The following SHROOM4 variants were observed in gnomAD, a reference collection of about 807,000 sequenced individuals.
SHROOM4 encodes shroom family member 4.
SHROOM4 carries 17 observed loss-of-function variants against 80.3 expected under a neutral mutation model. That is an observed-to-expected ratio of 0.21 (90% CI 0.14 to 0.32). The LOEUF is 0.32. Among genes scored for constraint, SHROOM4 ranks in the 10% least tolerant of loss-of-function variants. SHROOM4 has a pLI of 1.00. For synonymous variants in SHROOM4, 400 were observed against 437.5 expected (o/e 0.91, Z 1.07); for missense variants, 993 against 1,140.3 (o/e 0.87, Z 1.86).
At chrX:50,652,902 C>A (rs1420040000) in intron 2 of SHROOM4, among the ~76,000 whole-genome samples, 14 of 111,150 alleles carry the variant, frequency 1.3e-4, no homozygotes, top group Non-Finnish European at 1.7e-4. Context: ...TTTCTGAGGC[C>A]TCTGTTCTAT....
At chrX:50,612,453 C>A (rs781801240) in intron 5 of SHROOM4, among the ~76,000 whole-genome samples, 7 of 110,747 alleles carry the variant, frequency 6.3e-5, no homozygotes, top group Non-Finnish European at 1.3e-4. Flanking sequence ...TACCAACCTT[C>A]AAGGAAAAAA....
intron 5 of SHROOM4, among the ~76,000 whole-genome samples, chrX:50,618,511 A>C (rs1326443266): frequency 9.3e-6 from 1 of 108,035 alleles, no homozygotes; most frequent in Non-Finnish European, 1.9e-5. Flanking sequence ...GGTTCAAGTG[A>C]TTCTCATGCC....
At chrX:50,601,967 C>G (rs1929433354) in intron 7 of SHROOM4, among the ~76,000 whole-genome samples, 2 of 111,923 alleles carry the variant, frequency 1.8e-5, no homozygotes, top group Non-Finnish European at 3.8e-5. Context: ...AGTAGAAATT[C>G]AGACAGTCTT....
chrX:50,752,634 C>T (rs956884050), intron 1 of SHROOM4, among the ~76,000 whole-genome samples: 1 of 111,808 alleles, frequency 8.9e-6, no homozygotes, highest in African/African-American at 3.2e-5. Flanking sequence ...CTTTAAAAGC[C>T]CTTTATGTGA....
chrX:50,591,865 G>A lies in SHROOM4; in HGVS notation c.*4830C>T, dbSNP rs930500854. The A allele has an allele frequency of 5.8e-5, 18 of 312,870 alleles. No homozygotes were observed. The highest frequency in any genetic ancestry group is 2.9e-4 in the Admixed American group (9 of 30,720). The allele number at this position is 312,870 out of a possible 1,213,427, so 25.8% of individuals were successfully genotyped here. ...CCCGAGTAGCTGGGACTACTGGTGC[G>A]TGCCACCACACCTGGCTAATTTTTT... On this transcript the variant is annotated 3_prime_UTR_variant, in exon 9 of 9. Transcript: ENST00000376020.
chrX:50,726,747 C>T (rs1934250873), intron 1 of SHROOM4, among the ~76,000 whole-genome samples: 1 of 113,059 alleles, frequency 8.8e-6, no homozygotes, highest in African/African-American at 3.2e-5. Flanking sequence ...ATGGAAATGC[C>T]TGGATGTCCA....
chrX:50,638,318 G>A lies in SHROOM4; in HGVS notation c.270-10C>T, dbSNP rs782144613. The A allele has an allele frequency of 8.3e-6, 10 of 1,210,227 alleles. No homozygotes were observed. In the East Asian group the frequency reaches 2.7e-4, roughly 32 times the overall value. On this transcript the variant is annotated splice_polypyrimidine_tract_variant and intron_variant, in intron 2 of 8. Transcript: ENST00000376020. ...GACAGGGGCGTTCCTCCTACAGCAA[G>A]AAAGGGACAGGAAGTGGGCTGAAGG...
At chrX:50,664,756 C>A (rs1232240914) in intron 2 of SHROOM4, among the ~76,000 whole-genome samples, 2 of 111,433 alleles carry the variant, frequency 1.8e-5, no homozygotes, top group Non-Finnish European at 3.8e-5. Flanking sequence ...ATTAAAGATG[C>A]CTGAATTGAA....
chrX:50,591,884 A>AT lies in SHROOM4; in HGVS notation c.*4810dup, dbSNP rs1928902494. 1 of 318,721 alleles carries AT rather than the reference A, an allele frequency of 3.1e-6. No individual in the cohort carries two copies. The highest frequency in any genetic ancestry group is 6.1e-6 in the Non-Finnish European group (1 of 164,400). The allele number at this position is 318,721 out of a possible 1,213,427, so 26.3% of individuals were successfully genotyped here. The stretch of plus-strand genomic sequence containing the variant: ...TGGTGCGTGCCACCACACCTGGCTA[A>AT]TTTTTTGTATTTTTAGTAGAGATAG... On this transcript the variant is annotated 3_prime_UTR_variant, in exon 9 of 9. Coordinates refer to ENST00000376020, the MANE Select transcript of SHROOM4 (RefSeq NM_020717.5).
rs369496030 is a variant in SHROOM4 at position 50,663,919 on chromosome X, A to C, written c.270-25611T>G. Among the ~76,000 whole-genome samples, 6 of 112,290 alleles carry C rather than the reference A, an allele frequency of 5.3e-5. No individual in the cohort carries two copies. In the South Asian group the frequency reaches 2.2e-3, roughly 41 times the overall value. On this transcript the variant is annotated intron_variant, in intron 2 of 8. Coordinates refer to ENST00000376020, the MANE Select transcript of SHROOM4 (RefSeq NM_020717.5). ...TCTATGATCACCACCACATTGCTTA[A>C]CATACATGCTCAGCACTCAAAAATA... is the stretch of plus-strand genomic sequence containing the variant.
At chrX:50,803,861 GTTGATTGATTGA>G (rs201307916) in intron 1 of SHROOM4, among the ~76,000 whole-genome samples, 1 of 111,865 alleles carries the variant, frequency 8.9e-6, no homozygotes, top group East Asian at 2.8e-4. Flanking sequence ...TAGTTGATCA[GTTGATTGATTGA>G]TTGATTGATT....
At chrX:50,631,830 C>T (rs1557254174) in intron 4 of SHROOM4, among the ~76,000 whole-genome samples, 3 of 111,607 alleles carry the variant, frequency 2.7e-5, no homozygotes, top group Admixed American at 9.5e-5. Context: ...TAGGATTCGG[C>T]GCTTTCATAA....
At chrX:50,810,802 G>C (rs1325876062) in intron 1 of SHROOM4, among the ~76,000 whole-genome samples, 1 of 112,360 alleles carries the variant, frequency 8.9e-6, no homozygotes, top group African/African-American at 3.2e-5. Context: ...CAGTATGATA[G>C]ACATAGGTAA....
intron 2 of SHROOM4, among the ~76,000 whole-genome samples, chrX:50,691,217 A>G (rs2147443828): frequency 9.0e-6 from 1 of 110,824 alleles, no homozygotes; most frequent in East Asian, 2.8e-4. Context: ...TTTTCTTTAT[A>G]TATTTGGATG....
chrX:50,756,301 T>C (rs1332350827), intron 1 of SHROOM4, among the ~76,000 whole-genome samples: 2 of 112,284 alleles, frequency 1.8e-5, no homozygotes, highest in Non-Finnish European at 3.8e-5. Flanking sequence ...GGTTCATTCA[T>C]ATAGTAGCAT....
At chrX:50,619,559 C>G (rs5961199) in intron 5 of SHROOM4, among the ~76,000 whole-genome samples, 34,966 of 110,692 alleles carry the variant, frequency 0.32, 4,136 homozygotes, top group South Asian at 0.45. Context: ...ATGCAAGTGG[C>G]AGTGCTTGCC....
At chrX:50,666,624 A>G (rs1602418158) in intron 2 of SHROOM4, among the ~76,000 whole-genome samples, 1 of 111,923 alleles carries the variant, frequency 8.9e-6, no homozygotes, top group Non-Finnish European at 1.9e-5. Context: ...GGAATATAAC[A>G]AGAGAAACAT....
chrX:50,576,843 T>A, the SHROOM4 span, among the ~76,000 whole-genome samples: 1 of 111,895 alleles, frequency 8.9e-6, no homozygotes, highest in Non-Finnish European at 1.9e-5. Context: ...GGTATAGAAA[T>A]CTCATATCCT....
At chrX:50,614,081 T>G (rs980546228) in intron 5 of SHROOM4, among the ~76,000 whole-genome samples, 1 of 112,157 alleles carries the variant, frequency 8.9e-6, no homozygotes, top group Non-Finnish European at 1.9e-5. Context: ...TAGAACTGGA[T>G]AGCCATTGAG....
Sources: allele counts gnomAD v4.1 joint callset (sites outside exome capture counted in the v4.1 genomes callset), GRCh38; gene constraint gnomAD v4.1.1; transcripts MANE v1.5; gene names NCBI Gene and HGNC (gene_info 2026-07-23, HGNC 2026-07-21).